Variants in BRD9 observed in about 807,000 individuals in gnomAD.
BRD9 encodes bromodomain containing 9.
BRD9 carries 47 observed loss-of-function variants against 68.7 expected under a neutral mutation model. That is an observed-to-expected ratio of 0.68 (90% confidence interval 0.54 to 0.87). BRD9 has a LOEUF of 0.87. Among genes scored for constraint, BRD9 ranks in the 40% least tolerant of loss-of-function variants. The probability of loss-of-function intolerance (pLI) is 0.00; values close to 1 mark genes in which losing one functional copy is unlikely to be tolerated. For missense variants in BRD9, 670 were observed against 748.4 expected (o/e 0.90, Z 1.22); for synonymous variants, 313 against 293.9 (o/e 1.06, Z -0.67).
Position 881,151 on chromosome 5 carries a change from C to T in BRD9, c.998G>A (p.Ser333Asn). ...MGYLKRNGDG[S>N]LLYSVVNTAE... ...CGTGTTGACCACGCTGTAGAGCAGG[C>T]TCCCGTCCCCGTTCCTCTTCAGATA... The change falls in exon 9 of 16, where the codon AGC becomes AAC. Residue 333 changes from serine (S) to asparagine (N), a missense_variant. This residue lies in a region of BRD9 where 135 missense variants were observed against 141.2 expected (regional missense o/e 0.96). Transcript: ENST00000467963. The T allele has an allele frequency of 1.9e-6, 3 of 1,614,074 alleles. No homozygotes were observed. The highest frequency in any genetic ancestry group is 1.7e-6 in the Non-Finnish European group (2 of 1,180,038).
chr5:877,304 G>A (rs1751097032), intron 11 of BRD9, among the ~76,000 whole-genome samples: 1 of 152,168 alleles, frequency 6.6e-6, no homozygotes, highest in Non-Finnish European at 1.5e-5. Flanking sequence ...GGGAGGGTGG[G>A]GAGCAAACAA....
intron 8 of BRD9, chr5:881,460 G>T: frequency 1.9e-6 from 1 of 515,002 alleles, no homozygotes; most frequent in Non-Finnish European, 3.5e-6. Flanking sequence ...ATTTAAAATT[G>T]CTCATGAGCC....
intron 3 of BRD9, among the ~76,000 whole-genome samples, chr5:890,316 T>G (rs1031107584): frequency 6.6e-6 from 1 of 152,204 alleles, no homozygotes; most frequent in African/African-American, 2.4e-5. Context: ...TCTGACGGCC[T>G]GAATGATCGC....
intron 15 of BRD9, 85 bp downstream of exon 15, chr5:865,329 T>C: frequency 2.1e-6 from 3 of 1,456,710 alleles, no homozygotes; most frequent in Non-Finnish European, 2.7e-6. Flanking sequence ...TTCCCACAAC[T>C]ACAATGCTGC....
chr5:887,319 C>G (rs780966841), intron 6 of BRD9, 42 bp downstream of exon 6: 8 of 1,517,514 alleles, frequency 5.3e-6, no homozygotes. Context: ...GGGGGCAGAG[C>G]CCCTGCTTTC....
At position 881,318 on chromosome 5, in the gene BRD9, G is replaced by A. The variant is rs543049951; in HGVS notation, c.967-136C>T. 11 of 797,822 alleles carry A rather than the reference G, an allele frequency of 1.4e-5. 1 individual carries two copies. The South Asian group carries it at 1.5e-4, about 11-fold the overall frequency. The allele number at this position is 797,822 out of a possible 1,614,324, so 49.4% of individuals were successfully genotyped here. On this transcript the variant is annotated intron_variant, in intron 8 of 15. Coordinates refer to ENST00000467963, the MANE Select transcript of BRD9 (RefSeq NM_023924.5). ...GAACAAACGCCAGAGGGCCCCTCAC[G>A]GCATTCCCTGGAATTTCAGACTCAC...
chr5:878,211 A>G, intron 11 of BRD9, 144 bp downstream of exon 11: 1 of 1,223,132 alleles, frequency 8.2e-7, no homozygotes, highest in Non-Finnish European at 1.1e-6. Context: ...GGATGACTGA[A>G]AGCAACGGGA....
At chr5:890,918 C>T (rs1753264143) in intron 3 of BRD9, among the ~76,000 whole-genome samples, 1 of 152,178 alleles carries the variant, frequency 6.6e-6, no homozygotes, top group Admixed American at 6.5e-5. Context: ...CCATCCTTAG[C>T]TAACAAGTTA....
At chr5:888,868 T>C (rs1752943217) in intron 5 of BRD9, among the ~76,000 whole-genome samples, 153 bp downstream of exon 5, 2 of 152,164 alleles carry the variant, frequency 1.3e-5, no homozygotes, top group African/African-American at 4.8e-5. Context: ...GACCAATCAT[T>C]TCCTTAATGC....
At chr5:892,009 C>CCGCCACTGT in intron 1 of BRD9, 155 bp from the exon 2 acceptor site, 1 of 1,228,014 alleles carries the variant, frequency 8.1e-7, no homozygotes, top group Non-Finnish European at 1.1e-6. Context: ...ACCACAGTGG[C>CCGCCACTGT]GGCATGTCAC....
intron 12 of BRD9, among the ~76,000 whole-genome samples, chr5:872,106 G>C (rs1750225351): frequency 6.6e-6 from 1 of 150,556 alleles, no homozygotes; most frequent in Non-Finnish European, 1.5e-5. Context: ...TGCAGCAGGT[G>C]GGCCGGGCCG....
At chr5:867,257 T>C (rs781054625) in intron 14 of BRD9, among the ~76,000 whole-genome samples, 8 of 152,088 alleles carry the variant, frequency 5.3e-5, no homozygotes, top group African/African-American at 9.7e-5. Flanking sequence ...TTTCAGAGGA[T>C]GTATGGAAAA....
At position 878,430 on chromosome 5, in the gene BRD9, C is replaced by T. The variant is rs775841419; in HGVS notation, c.1196G>A (p.Gly399Asp). ...ALSMQNNSVF[G>D]DLKSDEMELL... The stretch of plus-strand genomic sequence containing the variant: ...CTCCATCTCGTCCGACTTCAAGTCG[C>T]CAAATACTGAATTATTCTGCATCGA... Residue 399 changes from glycine to aspartate, a missense_variant, in exon 11 of 16, where the codon GGC becomes GAC. Gly to Asp is a moderately conservative substitution (Grantham distance 94). Coordinates refer to ENST00000467963, the MANE Select transcript of BRD9 (RefSeq NM_023924.5). 16 of 1,614,280 alleles carry T rather than the reference C, an allele frequency of 9.9e-6. No individual in the cohort carries two copies. The highest frequency in any genetic ancestry group is 2.2e-5 in the East Asian group (1 of 44,890).
intron 15 of BRD9, 90 bp from the exon 16 acceptor site, chr5:864,658 T>C (rs1749072493): frequency 8.6e-7 from 1 of 1,158,054 alleles, no homozygotes; most frequent in Non-Finnish European, 1.3e-6. Context: ...CTTCCTGACC[T>C]ACCGCCAGGG....
At chr5:880,970 T>G in intron 9 of BRD9, 137 bp downstream of exon 9, 1 of 839,978 alleles carries the variant, frequency 1.2e-6, no homozygotes, top group Admixed American at 2.4e-5. Context: ...CACGTTGGGG[T>G]GCGAGCAAGG....
intron 8 of BRD9, chr5:882,504 C>T: frequency 6.1e-6 from 1 of 164,986 alleles, no homozygotes; most frequent in South Asian, 1.3e-4. Context: ...GTGAGCCACA[C>T]AGACCACAAC....
Position 882,882 on chromosome 5 carries a change from AACC to A in BRD9, c.966+1053_966+1055del, listed in dbSNP as rs1751989734. 2.4e-5 allele frequency: 5 copies of A among 210,752 alleles called. No individual in the cohort carries two copies. The South Asian group carries it at 3.0e-4, about 13-fold the overall frequency. The allele number at this position is 210,752 out of a possible 1,614,324, so 13.1% of individuals were successfully genotyped here. A position where few individuals can be genotyped will look rare whatever the true frequency, so the allele number is the denominator to read the frequency against. On this transcript the variant is annotated intron_variant, in intron 8 of 15. Coordinates refer to ENST00000467963, the MANE Select transcript of BRD9 (RefSeq NM_023924.5). The stretch of plus-strand genomic sequence containing the variant: ...AACCTCCCAACACACAAGCCACACA[AACC>A]ACAACCTCCCAACACATAAGCCACG...
chr5:883,849 C>T, intron 8 of BRD9, 89 bp downstream of exon 8: 2 of 1,526,072 alleles, frequency 1.3e-6, no homozygotes, highest in African/African-American at 1.4e-5. Flanking sequence ...GGTGGCTGTG[C>T]TAGATCACAC....
At chr5:886,877 T>A in intron 6 of BRD9, 170 bp from the exon 7 acceptor site, 1 of 1,225,982 alleles carries the variant, frequency 8.2e-7, no homozygotes, top group Non-Finnish European at 1.1e-6. Context: ...GCCTAAGAGC[T>A]AACTTTCCAC....
Sources: gnomAD v4.1 joint callset for allele counts (sites outside exome capture counted in the v4.1 genomes callset) on GRCh38, gnomAD v4.1.1 for gene constraint, gnomAD v4.1.1 regional missense constraint, MANE v1.5 for transcripts, NCBI Gene and HGNC (gene_info 2026-07-23, HGNC 2026-07-21) for gene names.